The following MAGI2 variants were observed in gnomAD, a reference collection of about 807,000 sequenced individuals.
The protein encoded by MAGI2 is membrane associated guanylate kinase, WW and PDZ domain containing 2.
MAGI2 carries 35 observed loss-of-function variants against 133.3 expected under a neutral mutation model. The ratio of observed to expected loss-of-function variants is 0.26; its 90% confidence interval spans 0.20 to 0.35. MAGI2 has a LOEUF of 0.35. Ranked by LOEUF, MAGI2 falls within the 10% of genes least tolerant of loss-of-function variation. The pLI is 1.00. For synonymous variants in MAGI2, 729 were observed against 710.6 expected (o/e 1.03, Z -0.41); for missense variants, 1,636 against 1,863.4 (o/e 0.88, Z 2.25).
intron 2 of MAGI2, among the ~76,000 whole-genome samples, chr7:78,923,862 T>C (rs1248866385): frequency 6.6e-6 from 1 of 152,190 alleles, no homozygotes; most frequent in Non-Finnish European, 1.5e-5. Context: ...TATCCTCTTT[T>C]ATTTCATTGA....
intron 6 of MAGI2, among the ~76,000 whole-genome samples, chr7:78,471,950 C>T (rs1791250159): frequency 6.6e-6 from 1 of 151,780 alleles, no homozygotes; most frequent in Non-Finnish European, 1.5e-5. Context: ...AGGGGAATTA[C>T]AGAACAAGTT....
At chr7:78,045,797 A>G (rs1307682565) in intron 21 of MAGI2, among the ~76,000 whole-genome samples, 1 of 152,172 alleles carries the variant, frequency 6.6e-6, no homozygotes, top group Non-Finnish European at 1.5e-5. Flanking sequence ...GCCTTATCCC[A>G]CAGAACCCAT....
chr7:78,057,999 A>ATGTGTG (rs762405456), intron 21 of MAGI2, among the ~76,000 whole-genome samples: 4 of 108,586 alleles, frequency 3.7e-5, no homozygotes, highest in Non-Finnish European at 7.9e-5. Flanking sequence ...ATATATATAT[A>ATGTGTG]TATATGTATG....
At chr7:78,403,512 C>T (rs1262526298) in intron 6 of MAGI2, among the ~76,000 whole-genome samples, 2 of 152,106 alleles carry the variant, frequency 1.3e-5, no homozygotes, top group Non-Finnish European at 1.5e-5. Context: ...TGGGTATATA[C>T]CCAGTAATTG....
chr7:78,264,087 A>G (rs778250275), intron 9 of MAGI2, among the ~76,000 whole-genome samples: 1 of 152,084 alleles, frequency 6.6e-6, no homozygotes, highest in Non-Finnish European at 1.5e-5. Context: ...TGATAGCGTG[A>G]TTCTTCAATC....
At chr7:79,220,022 A>G (rs1453214575) in intron 1 of MAGI2, among the ~76,000 whole-genome samples, 1 of 151,982 alleles carries the variant, frequency 6.6e-6, no homozygotes, top group Non-Finnish European at 1.5e-5. Context: ...TAGTGTTTGT[A>G]TTACCAAAAT....
chr7:78,202,181 G>T (rs1465277926), intron 10 of MAGI2, among the ~76,000 whole-genome samples: 1 of 152,052 alleles, frequency 6.6e-6, no homozygotes, highest in African/African-American at 2.4e-5. Flanking sequence ...TTGAAAACAT[G>T]CCACATACTA....
rs923510265 is a variant in MAGI2 at position 79,350,979 on chromosome 7, C to A, written c.301+102041G>T. Among the ~76,000 whole-genome samples the A allele has an allele frequency of 1.2e-3, 187 of 152,032 alleles. 3 individuals carry two copies. The highest frequency in any genetic ancestry group is 5.9e-4 in the Non-Finnish European group (40 of 67,952). On this transcript the variant is annotated intron_variant, in intron 1 of 21. Coordinates refer to ENST00000354212, the MANE Select transcript of MAGI2 (RefSeq NM_012301.4). Reference sequence around the variant, plus strand: ...AAAGTTCTAGAATATTAATTTATTTCATTTAATAAAAACAGCTCTATTAAG... The same window carrying A: ...AAAGTTCTAGAATATTAATTTATTTAATTTAATAAAAACAGCTCTATTAAG...
chr7:79,098,561 C>T (rs1013019482), intron 1 of MAGI2, among the ~76,000 whole-genome samples: 14 of 152,124 alleles, frequency 9.2e-5, no homozygotes, highest in African/African-American at 2.2e-4. Flanking sequence ...AAGAAAACTT[C>T]GGAGTGCTGA....
intron 1 of MAGI2, among the ~76,000 whole-genome samples, chr7:79,212,453 C>A (rs932753156): frequency 6.6e-6 from 1 of 152,094 alleles, no homozygotes; most frequent in African/African-American, 2.4e-5. Flanking sequence ...ATCAATTCAC[C>A]TCCCAATAAA....
At chr7:79,011,135 G>A (rs1246281393) in intron 1 of MAGI2, 1 of 152,156 alleles carries the variant, frequency 6.6e-6, no homozygotes, top group Non-Finnish European at 1.5e-5. Flanking sequence ...TGGGGAGTGA[G>A]GGAAGCACTG....
chr7:78,147,213 G>A (rs564449894), intron 16 of MAGI2, among the ~76,000 whole-genome samples: 6 of 152,254 alleles, frequency 3.9e-5, no homozygotes, highest in Admixed American at 2.6e-4. Flanking sequence ...ACCCTCAAGC[G>A]AAGTGTTCAG....
intron 2 of MAGI2, among the ~76,000 whole-genome samples, chr7:78,763,363 T>A (rs1824705598): frequency 6.6e-6 from 1 of 152,148 alleles, no homozygotes; most frequent in African/African-American, 2.4e-5. Context: ...CAGAACAGAT[T>A]TTCATATACT....
intron 6 of MAGI2, among the ~76,000 whole-genome samples, chr7:78,400,755 T>C (rs947097037): frequency 1.3e-5 from 2 of 152,180 alleles, no homozygotes; most frequent in East Asian, 1.9e-4. Flanking sequence ...CCACACATGA[T>C]TGGGAGAAAT....
chr7:79,080,006 C>A (rs1196918996), intron 1 of MAGI2, among the ~76,000 whole-genome samples: 1 of 152,040 alleles, frequency 6.6e-6, no homozygotes, highest in Non-Finnish European at 1.5e-5. Flanking sequence ...GATTTATCAA[C>A]AGAGTTCATT....
At chr7:78,368,157 C>T (rs1793570908) in intron 7 of MAGI2, among the ~76,000 whole-genome samples, 1 of 152,148 alleles carries the variant, frequency 6.6e-6, no homozygotes, top group Non-Finnish European at 1.5e-5. Context: ...TACTCAAGGG[C>T]AGAGAGCACA....
intron 3 of MAGI2, among the ~76,000 whole-genome samples, chr7:78,611,824 T>C (rs1245234420): frequency 6.6e-6 from 1 of 152,110 alleles, no homozygotes; most frequent in Non-Finnish European, 1.5e-5. Flanking sequence ...CACAAAAAGG[T>C]TGTAAATGAT....
chr7:78,369,633 AT>A (rs1222805077), intron 6 of MAGI2, among the ~76,000 whole-genome samples: 1 of 152,136 alleles, frequency 6.6e-6, no homozygotes, highest in Non-Finnish European at 1.5e-5. Flanking sequence ...ATTGTTTCTG[AT>A]GACTGAAACA....
chr7:78,049,388 G>C (rs1811777857), intron 21 of MAGI2, among the ~76,000 whole-genome samples: 1 of 152,200 alleles, frequency 6.6e-6, no homozygotes, highest in Non-Finnish European at 1.5e-5. Flanking sequence ...TAGGGCTAAG[G>C]CCCAGAGTTG....
Sources: allele counts gnomAD v4.1 joint callset (sites outside exome capture counted in the v4.1 genomes callset), GRCh38; gene constraint gnomAD v4.1.1; transcripts MANE v1.5; gene names NCBI Gene and HGNC (gene_info 2026-07-23, HGNC 2026-07-21).